Variants in PANK3 observed in about 807,000 individuals in gnomAD.
PANK3 encodes hPanK3.
A neutral mutation model predicts 39.4 loss-of-function variants in PANK3; 20 were observed. That is an observed-to-expected ratio of 0.51 (90% CI 0.36 to 0.74). The LOEUF is 0.74. Ranked by LOEUF, PANK3 falls within the 30% of genes least tolerant of loss-of-function variation. The pLI is 0.00. For synonymous variants in PANK3, 140 were observed against 157.3 expected (o/e 0.89, Z 0.82); for missense variants, 265 against 437.0 (o/e 0.61, Z 3.51).
intron 1 of PANK3, among the ~76,000 whole-genome samples, chr5:168,573,884 G>T (rs1403032491): frequency 6.6e-6 from 1 of 152,046 alleles, no homozygotes; most frequent in African/African-American, 2.4e-5. Flanking sequence ...TCCATGGTGT[G>T]TATGTGCTAC....
At position 168,553,114 on chromosome 5, in the gene PANK3, G is replaced by T; in HGVS notation, c.*4457C>A. ...AAACTTACGACTTCCAGGGCAAAAT[G>T]GAAGGGCTACACTTTATAGGACAGC... On this transcript the variant is annotated 3_prime_UTR_variant, in exon 7 of 7. Coordinates refer to ENST00000239231, the MANE Select transcript of PANK3 (RefSeq NM_024594.4). 1 of 434,172 alleles carries T rather than the reference G, an allele frequency of 2.3e-6. No individual in the cohort carries two copies. The highest frequency in any genetic ancestry group is 1.9e-5 in the South Asian group (1 of 53,220). 26.9% of individuals were successfully genotyped at this position (434,172 alleles called of 1,614,324 possible).
chr5:168,572,560 G>C (rs1473933846), intron 1 of PANK3, among the ~76,000 whole-genome samples: 1 of 151,148 alleles, frequency 6.6e-6, no homozygotes, highest in Non-Finnish European at 1.5e-5. Flanking sequence ...ACCTTCTTAA[G>C]GGTGGGGGAG....
rs1759312823 is a variant in PANK3 at position 168,554,067 on chromosome 5, C to T, written c.*3504G>A. On this transcript the variant is annotated 3_prime_UTR_variant, in exon 7 of 7. Coordinates refer to ENST00000239231, the MANE Select transcript of PANK3 (RefSeq NM_024594.4). ...AGGATCAGTGTTTAGTAAACAAAAGCATAATAGTTCCAAAATTTGTAAAGC... is the reference window on the plus strand; with the variant it reads ...AGGATCAGTGTTTAGTAAACAAAAGTATAATAGTTCCAAAATTTGTAAAGC... 1 of 152,160 alleles carries T rather than the reference C, an allele frequency of 6.6e-6. No homozygotes were observed. The highest frequency in any genetic ancestry group is 6.5e-5 in the Admixed American group (1 of 15,280). 9.4% of individuals were successfully genotyped at this position (152,160 alleles called of 1,614,324 possible).
chr5:168,578,767 C>G (rs1412170961), intron 1 of PANK3: 2 of 153,910 alleles, frequency 1.3e-5, no homozygotes, highest in Non-Finnish European at 2.9e-5. Flanking sequence ...CAATTACACA[C>G]TGGCAGACTG....
Position 168,557,537 on chromosome 5 carries a change from T to C in PANK3, c.*34A>G, listed in dbSNP as rs760821461. 3.8e-6 allele frequency: 6 copies of C among 1,594,468 alleles called. No individual in the cohort carries two copies. In the South Asian group the frequency reaches 5.5e-5, roughly 15 times the overall value. On this transcript the variant is annotated 3_prime_UTR_variant, in exon 7 of 7. Coordinates refer to ENST00000239231, the MANE Select transcript of PANK3 (RefSeq NM_024594.4). ...GCCTCTGGTTTTAGTTCCTCTTGGA[T>C]GACATTTATTAGCAGAGAGAGAGAC... is the stretch of plus-strand genomic sequence containing the variant.
At chr5:168,561,303 T>A in intron 5 of PANK3, 90 bp downstream of exon 5, 5 of 1,223,232 alleles carry the variant, frequency 4.1e-6, no homozygotes, top group Non-Finnish European at 5.5e-6. Flanking sequence ...AGAGGCCTCC[T>A]TAGGGAAAGT....
Position 168,550,037 on chromosome 5 carries a change from A to G in PANK3, c.*7534T>C, listed in dbSNP as rs1002869679. The G allele has an allele frequency of 6.6e-6, 1 of 152,216 alleles. No homozygotes were observed. The highest frequency in any genetic ancestry group is 1.5e-5 in the Non-Finnish European group (1 of 68,030). The allele number at this position is 152,216 out of a possible 1,614,324, so 9.4% of individuals were successfully genotyped here. ...AAAATCCCAAATATATGTAACACAA[A>G]CAGTCCGACTTAACAATGGTTTGAC... is the stretch of plus-strand genomic sequence containing the variant. On this transcript the variant is annotated 3_prime_UTR_variant, in exon 7 of 7. Coordinates refer to ENST00000239231, the MANE Select transcript of PANK3 (RefSeq NM_024594.4).
In PANK3 at chr5:168,553,442, G is replaced by A; in HGVS notation, c.*4129C>T. ...AACAAATTATGATAAGCATTGAACT[G>A]CACCTGCCAAAGTGGTTGACAAAGA... On this transcript the variant is annotated 3_prime_UTR_variant, in exon 7 of 7. Coordinates refer to ENST00000239231, the MANE Select transcript of PANK3 (RefSeq NM_024594.4). 2.5e-6 allele frequency: 1 copy of A among 407,368 alleles called. No individual in the cohort carries two copies. The allele number at this position is 407,368 out of a possible 1,614,324, so 25.2% of individuals were successfully genotyped here.
intron 3 of PANK3, 59 bp from the exon 4 acceptor site, chr5:168,564,124 G>C (rs2113115263): frequency 7.3e-7 from 1 of 1,368,790 alleles, no homozygotes; most frequent in East Asian, 2.5e-5. Flanking sequence ...TTTCTCTAAA[G>C]TAAAAGGGTG....
At position 168,556,920 on chromosome 5, in the gene PANK3, G is replaced by C. The variant is rs1759357216; in HGVS notation, c.*651C>G. ...CTAATTCCTGTAAAATACAGAAAGT[G>C]CAACATCACCAAACGTGCATTTCCC... On this transcript the variant is annotated 3_prime_UTR_variant, in exon 7 of 7. Transcript: ENST00000239231. 1 of 152,548 alleles carries C rather than the reference G, an allele frequency of 6.6e-6. No individual in the cohort carries two copies. Among genetic ancestry groups the C allele is most frequent in the African/African-American group, 2.4e-5 (1 of 41,414 alleles). 9.4% of individuals were successfully genotyped at this position (152,548 alleles called of 1,614,324 possible). A position where few individuals can be genotyped will look rare whatever the true frequency, so the allele number is the denominator to read the frequency against.
chr5:168,574,988 G>A (rs914691612), intron 1 of PANK3, among the ~76,000 whole-genome samples: 2 of 151,854 alleles, frequency 1.3e-5, no homozygotes, highest in Non-Finnish European at 2.9e-5. Context: ...GCCTACTTAC[G>A]GCATATAACC....
chr5:168,563,024 C>A (rs1358408892), intron 4 of PANK3, among the ~76,000 whole-genome samples: 2 of 151,034 alleles, frequency 1.3e-5, no homozygotes, highest in African/African-American at 2.4e-5. Context: ...GAAAAAAAAA[C>A]AAAAAACCTG....
intron 2 of PANK3, among the ~76,000 whole-genome samples, chr5:168,567,066 A>C (rs1260398388): frequency 6.6e-6 from 1 of 152,296 alleles, no homozygotes; most frequent in East Asian, 1.9e-4. Context: ...AATATATACT[A>C]AATTTGCTAG....
At chr5:168,577,554 G>A (rs1034858729) in intron 1 of PANK3, among the ~76,000 whole-genome samples, 1 of 151,938 alleles carries the variant, frequency 6.6e-6, no homozygotes, top group Non-Finnish European at 1.5e-5. Flanking sequence ...GCCCAGGTTG[G>A]TCTCGAACTC....
At chr5:168,570,396 A>AAAAAAGAAAG (rs1218184463) in intron 1 of PANK3, among the ~76,000 whole-genome samples, 1 of 150,796 alleles carries the variant, frequency 6.6e-6, no homozygotes, top group Non-Finnish European at 1.5e-5. Context: ...AAAAAAAAAA[A>AAAAAAGAAAG]AAAGAAAGAA....
intron 1 of PANK3, among the ~76,000 whole-genome samples, chr5:168,573,725 T>G (rs1366911048): frequency 7.5e-6 from 1 of 134,092 alleles, no homozygotes; most frequent in East Asian, 2.3e-4. Flanking sequence ...TGTCCATGTG[T>G]TCTCATTGTT....
chr5:168,574,933 T>C (rs1482288769), intron 1 of PANK3, among the ~76,000 whole-genome samples: 1 of 152,090 alleles, frequency 6.6e-6, no homozygotes, highest in Middle Eastern at 3.2e-3. Context: ...CTTTGTTGCT[T>C]CTAGCCAAGA....
At chr5:168,568,328 G>A (rs574616260) in intron 2 of PANK3, among the ~76,000 whole-genome samples, 68 of 152,278 alleles carry the variant, frequency 4.5e-4, no homozygotes, top group South Asian at 1.9e-3. Context: ...GGACAATAGT[G>A]AAAATAATTC....
At chr5:168,569,136 G>C (rs1222914334) in intron 1 of PANK3, 138 bp from the exon 2 acceptor site, 2 of 219,950 alleles carry the variant, frequency 9.1e-6, no homozygotes, top group African/African-American at 4.8e-5. Context: ...TATGTATTGG[G>C]TAAGACACAT....
Sources: gnomAD v4.1 joint callset for allele counts (sites outside exome capture counted in the v4.1 genomes callset) on GRCh38, gnomAD v4.1.1 for gene constraint, MANE v1.5 for transcripts, NCBI Gene and HGNC (gene_info 2026-07-23, HGNC 2026-07-21) for gene names.